SLC17A8: variants seen among roughly 807,000 people sequenced by gnomAD.
SLC17A8 encodes vesicular glutamate transporter 3.
A neutral mutation model predicts 58.0 loss-of-function variants in SLC17A8; 31 were observed. The observed-to-expected ratio is 0.53, with a 90% confidence interval of 0.40 to 0.72. The LOEUF is 0.72. Ranked by LOEUF, SLC17A8 falls within the 30% of genes least tolerant of loss-of-function variation. The pLI, the probability that SLC17A8 is intolerant of heterozygous loss-of-function variation, is 0.00. For synonymous variants in SLC17A8, 228 were observed against 249.0 expected, an observed-to-expected ratio of 0.92 and a Z score of 0.79; for missense variants, 655 against 727.8, an observed-to-expected ratio of 0.90 and a Z score of 1.15.
Position 100,382,722 on chromosome 12 carries a change from C to T in SLC17A8, c.354+1769C>T, listed in dbSNP as rs79512583. 9.2e-3 allele frequency among the ~76,000 whole-genome samples: 1,407 copies of T among 152,264 alleles called. 18 individuals are homozygous for T. The highest frequency in any genetic ancestry group is 0.031 in the African/African-American group (1,306 of 41,550). On this transcript the variant is annotated intron_variant, in intron 2 of 11. Coordinates refer to ENST00000323346, the MANE Select transcript of SLC17A8 (RefSeq NM_139319.3). Reference sequence around the variant, plus strand: ...CTTATGAGACTTTCCAAGAGGGAGACGTGGTAGGCAATATTTTCTGGACTG... The same window carrying T: ...CTTATGAGACTTTCCAAGAGGGAGATGTGGTAGGCAATATTTTCTGGACTG...
chr12:100,410,086 A>G (rs1404770856), intron 9 of SLC17A8, among the ~76,000 whole-genome samples: 19 of 152,232 alleles, frequency 1.2e-4, no homozygotes, highest in Middle Eastern at 3.2e-3. Context: ...GTGGCTGAGC[A>G]TGGTGGCTTA....
intron 9 of SLC17A8, among the ~76,000 whole-genome samples, chr12:100,408,993 T>C (rs1275365185): frequency 1.3e-5 from 2 of 152,202 alleles, no homozygotes; most frequent in Admixed American, 6.5e-5. Context: ...TTATTAGTTC[T>C]TGCCCTTCTT....
chr12:100,361,969 A>AG (rs912561521), intron 1 of SLC17A8, among the ~76,000 whole-genome samples: 5 of 151,932 alleles, frequency 3.3e-5, no homozygotes, highest in Non-Finnish European at 7.4e-5. Context: ...TCCAAAAAAA[A>AG]CAAAACAAAA....
chr12:100,374,438 C>G (rs976224693), intron 1 of SLC17A8, among the ~76,000 whole-genome samples: 12 of 152,118 alleles, frequency 7.9e-5, no homozygotes, highest in African/African-American at 2.4e-4. Context: ...ACGCTGAAAC[C>G]CTGTCTCTAC....
chr12:100,370,589 GCC>G (rs2135975283), intron 1 of SLC17A8, among the ~76,000 whole-genome samples: 1 of 143,620 alleles, frequency 7.0e-6, no homozygotes, highest in African/African-American at 2.7e-5. Flanking sequence ...GAGCCACCGT[GCC>G]CAGCCAATTA....
chr12:100,374,745 G>A (rs1225690103), intron 1 of SLC17A8, among the ~76,000 whole-genome samples: 3 of 152,116 alleles, frequency 2.0e-5, no homozygotes, highest in South Asian at 2.1e-4. Flanking sequence ...AACAACTCAG[G>A]AGGTCCTGCT....
rs1204463108 is a variant in SLC17A8 at position 100,388,002 on chromosome 12, C to A, written c.355-2999C>A. Among the ~76,000 whole-genome samples the A allele has an allele frequency of 5.3e-5, 8 of 152,110 alleles. No individual in the cohort carries two copies. The South Asian group carries it at 1.7e-3, about 32-fold the overall frequency. ...CTTAAAGAACCCTTCATCATTGTAA[C>A]CTCTCTTGCATTAACACCTATTCTC... On this transcript the variant is annotated intron_variant, in intron 2 of 11. Coordinates refer to ENST00000323346, the MANE Select transcript of SLC17A8 (RefSeq NM_139319.3).
At chr12:100,360,239 A>G in intron 1 of SLC17A8, among the ~76,000 whole-genome samples, 1 of 152,254 alleles carries the variant, frequency 6.6e-6, no homozygotes, top group East Asian at 1.9e-4. Flanking sequence ...AATTATATAG[A>G]TGACATAGAA....
chr12:100,376,053 T>C (rs923969862), intron 1 of SLC17A8, among the ~76,000 whole-genome samples: 5 of 151,830 alleles, frequency 3.3e-5, no homozygotes, highest in Non-Finnish European at 5.9e-5. Context: ...GAAGAAAAAA[T>C]TGGGACACAC....
chr12:100,357,752 T>C (rs1299521395), intron 1 of SLC17A8, among the ~76,000 whole-genome samples: 2 of 152,220 alleles, frequency 1.3e-5, no homozygotes, highest in Non-Finnish European at 2.9e-5. Flanking sequence ...CTGGAGATGA[T>C]GATATTGCAT....
intron 9 of SLC17A8, 57 bp downstream of exon 9, chr12:100,404,227 A>C: frequency 6.2e-7 from 1 of 1,603,214 alleles, no homozygotes; most frequent in Non-Finnish European, 8.5e-7. Context: ...GGTAAACTGA[A>C]CTGCAGAGCA....
intron 2 of SLC17A8, among the ~76,000 whole-genome samples, chr12:100,384,853 A>G (rs1161382961): frequency 6.6e-6 from 1 of 152,148 alleles, no homozygotes; most frequent in African/African-American, 2.4e-5. Context: ...TAAGGTCTCC[A>G]GCTTGCTTGC....
At chr12:100,367,072 C>T (rs1041571723) in intron 1 of SLC17A8, among the ~76,000 whole-genome samples, 1 of 152,188 alleles carries the variant, frequency 6.6e-6, no homozygotes, top group African/African-American at 2.4e-5. Flanking sequence ...AGGAGTATTC[C>T]TCAGGCCTCC....
At chr12:100,383,926 A>G (rs1019687875) in intron 2 of SLC17A8, among the ~76,000 whole-genome samples, 16 of 152,262 alleles carry the variant, frequency 1.1e-4, no homozygotes, top group African/African-American at 3.9e-4. Context: ...GCTGATCTCA[A>G]ACCCCTGGCC....
At chr12:100,361,573 C>A (rs1026498569) in intron 1 of SLC17A8, among the ~76,000 whole-genome samples, 2 of 152,176 alleles carry the variant, frequency 1.3e-5, no homozygotes, top group Non-Finnish European at 2.9e-5. Flanking sequence ...TAGGTAGGTT[C>A]CCTAAAAAGC....
rs776808252 is a variant in SLC17A8 at position 100,404,039 on chromosome 12, TG to T, written c.1058del (p.Gly353ValfsTer11). ...EEVFGFAISK[V>X]GLLSAVPHMV... ...GCTTACTGTTTCTTTCCCTTCCAGGTGGGTCTCTTGTCAGCAGTCCCACACA... is the reference window on the plus strand; with the variant it reads ...GCTTACTGTTTCTTTCCCTTCCAGGTGGTCTCTTGTCAGCAGTCCCACACA... On this transcript the variant is annotated frameshift_variant and splice_region_variant, in exon 9 of 12. Transcript: ENST00000323346. LOFTEE classifies it high-confidence loss of function. 6.2e-7 allele frequency: 1 copy of T among 1,614,060 alleles called. No homozygotes were observed. Among genetic ancestry groups the T allele is most frequent in the East Asian group, 2.2e-5 (1 of 44,874 alleles).
chr12:100,402,753 C>T lies in SLC17A8; in HGVS notation c.1053+8C>T, dbSNP rs761746234. 127 of 1,610,066 alleles carry T rather than the reference C, an allele frequency of 7.9e-5. No homozygotes were observed. Among genetic ancestry groups the T allele is most frequent in the Non-Finnish European group, 1.0e-4 (123 of 1,178,886 alleles). ...GGATTTGCAATAAGTAAGGTAAACA[C>T]ACAGATGCTCCAAATATTTTTGAAC... On this transcript the variant is annotated splice_region_variant and intron_variant, in intron 8 of 11. Transcript: ENST00000323346.
Position 100,421,405 on chromosome 12 carries a change from G to T in SLC17A8, c.*1246G>T, listed in dbSNP as rs1168967207. On this transcript the variant is annotated 3_prime_UTR_variant, in exon 12 of 12. Transcript: ENST00000323346. ...AATAATATAGCAGTAGTTATACAGA[G>T]AAATACTACAATGAAAACATTTGGG... 6.6e-6 allele frequency: 1 copy of T among 152,032 alleles called. No individual in the cohort carries two copies. Among genetic ancestry groups the T allele is most frequent in the African/African-American group, 2.4e-5 (1 of 41,408 alleles). The allele number at this position is 152,032 out of a possible 1,614,324, so 9.4% of individuals were successfully genotyped here.
chr12:100,419,084 G>C (rs1952928481), intron 11 of SLC17A8, among the ~76,000 whole-genome samples: 1 of 152,014 alleles, frequency 6.6e-6, no homozygotes, highest in Non-Finnish European at 1.5e-5. Context: ...AACTTTAATG[G>C]CTCAAATATT....
Sources: allele counts gnomAD v4.1 joint callset (sites outside exome capture counted in the v4.1 genomes callset), GRCh38; gene constraint gnomAD v4.1.1; transcripts MANE v1.5; gene names NCBI Gene and HGNC (gene_info 2026-07-23, HGNC 2026-07-21).